The following EDAR variants were observed in gnomAD, a reference collection of about 807,000 sequenced individuals.
EDAR encodes tumor necrosis factor receptor superfamily member EDAR.
EDAR carries 38 observed loss-of-function variants against 51.3 expected under a neutral mutation model. That is an observed-to-expected ratio of 0.74 (90% CI 0.57 to 0.97). The LOEUF is 0.97. Among genes scored for constraint, EDAR ranks in the 50% least tolerant of loss-of-function variants. EDAR has a pLI of 0.00. For synonymous variants in EDAR, 227 were observed against 242.1 expected (o/e 0.94, Z 0.58); for missense variants, 528 against 595.0 (o/e 0.89, Z 1.17).
In EDAR at chr2:108,895,376, T is replaced by G. The variant is rs1038349688; in HGVS notation, c.*1531A>C. 1.3e-5 allele frequency: 2 copies of G among 152,494 alleles called. No homozygotes were observed. Among genetic ancestry groups the G allele is most frequent in the African/African-American group, 4.8e-5 (2 of 41,382 alleles). 9.4% of individuals were successfully genotyped at this position (152,494 alleles called of 1,614,324 possible). A position where few individuals can be genotyped will look rare whatever the true frequency, so the allele number is the denominator to read the frequency against. ...TAAACACAGACCTGCCATCAGGGAG[T>G]TCAGCAGTGAACTCTAACCCCTGGT... On this transcript the variant is annotated 3_prime_UTR_variant, in exon 12 of 12. Transcript: ENST00000258443.
At chr2:108,953,228 T>A (rs1320580672) in intron 1 of EDAR, among the ~76,000 whole-genome samples, 2 of 152,214 alleles carry the variant, frequency 1.3e-5, no homozygotes. Flanking sequence ...CAGAATTGCT[T>A]ATCCCTGTGA....
chr2:108,927,576 G>A (rs1403016592), intron 4 of EDAR, among the ~76,000 whole-genome samples: 1 of 152,188 alleles, frequency 6.6e-6, no homozygotes, highest in African/African-American at 2.4e-5. Context: ...AGAGCCAGCA[G>A]CATAGGTCGG....
At chr2:108,961,097 G>T (rs748040229) in intron 1 of EDAR, among the ~76,000 whole-genome samples, 5 of 152,302 alleles carry the variant, frequency 3.3e-5, no homozygotes, top group South Asian at 2.1e-4. Context: ...AGAAATGCTC[G>T]GCCACCTCCC....
At chr2:108,985,369 G>A (rs888219140) in intron 1 of EDAR, among the ~76,000 whole-genome samples, 1 of 152,236 alleles carries the variant, frequency 6.6e-6, no homozygotes, top group African/African-American at 2.4e-5. Context: ...TGTGTTTGGA[G>A]CAGTAGGTCT....
Position 108,896,923 on chromosome 2 carries a change from G to A in EDAR, c.1331C>T (p.Pro444Leu), listed in dbSNP as rs777844792. Residue 444 changes from proline to leucine, a missense_variant, in exon 12 of 12, where the codon CCA becomes CTA. Pro to Leu is a moderately conservative substitution (Grantham distance 98). Coordinates refer to ENST00000258443, the MANE Select transcript of EDAR (RefSeq NM_022336.4). Reference sequence around the variant, plus strand: ...GCATGCTTTTCAGGATGCAGCATGTGGCTGGGAGGCAGGTGGCACAACCCC... The same window carrying A: ...GCATGCTTTTCAGGATGCAGCATGTAGCTGGGAGGCAGGTGGCACAACCCC... ...WAGVVPPASQ[P>L]HAAS 3.1e-6 allele frequency: 5 copies of A among 1,612,488 alleles called. No homozygotes were observed. The highest frequency in any genetic ancestry group is 3.3e-5 in the Admixed American group (2 of 59,840).
intron 8 of EDAR, 98 bp from the exon 9 acceptor site, chr2:108,910,630 C>A: frequency 7.1e-7 from 1 of 1,405,228 alleles, no homozygotes; most frequent in South Asian, 1.2e-5. Context: ...CAGAGCTGCC[C>A]GGTGTCTGTG....
chr2:108,932,144 C>T (rs533918710), intron 1 of EDAR, among the ~76,000 whole-genome samples: 3 of 152,316 alleles, frequency 2.0e-5, no homozygotes, highest in South Asian at 2.1e-4. Context: ...AACCTTCCCT[C>T]CCTTCCTCCT....
At chr2:108,955,285 G>A (rs1305848954) in intron 1 of EDAR, among the ~76,000 whole-genome samples, 1 of 152,102 alleles carries the variant, frequency 6.6e-6, no homozygotes, top group East Asian at 1.9e-4. Context: ...TGTGTATAAA[G>A]TATTTACAAC....
rs1181971308 is a variant in EDAR, at chr2:108,895,140, C to T, written c.*1767G>A. On this transcript the variant is annotated 3_prime_UTR_variant, in exon 12 of 12. Coordinates refer to ENST00000258443, the MANE Select transcript of EDAR (RefSeq NM_022336.4). ...GGGTAAACCAAATAGGTTCGAAAAA[C>T]AGCAGCAAACAGACACAGTAAATGA... is the stretch of plus-strand genomic sequence containing the variant. 1 of 152,632 alleles carries T rather than the reference C, an allele frequency of 6.6e-6. No individual in the cohort carries two copies. The allele number at this position is 152,632 out of a possible 1,614,324, so 9.5% of individuals were successfully genotyped here. A position where few individuals can be genotyped will look rare whatever the true frequency, so the allele number is the denominator to read the frequency against.
chr2:108,910,177 G>C (rs1328428193), intron 9 of EDAR, among the ~76,000 whole-genome samples: 1 of 152,212 alleles, frequency 6.6e-6, no homozygotes, highest in Non-Finnish European at 1.5e-5. Context: ...GTCTGGAGAA[G>C]GGGCATGAGG....
intron 1 of EDAR, among the ~76,000 whole-genome samples, chr2:108,946,094 G>A (rs1472067541): frequency 6.6e-6 from 1 of 152,178 alleles, no homozygotes; most frequent in Non-Finnish European, 1.5e-5. Context: ...AGTTTCTGGT[G>A]ACTCCAAGGA....
At chr2:108,971,976 G>A (rs1315509303) in intron 1 of EDAR, among the ~76,000 whole-genome samples, 2 of 152,192 alleles carry the variant, frequency 1.3e-5, no homozygotes, top group Non-Finnish European at 2.9e-5. Flanking sequence ...GAGCTCCCGT[G>A]GCCCGGAGCT....
intron 4 of EDAR, among the ~76,000 whole-genome samples, chr2:108,924,799 C>T (rs973734460): frequency 1.1e-4 from 17 of 152,240 alleles, no homozygotes; most frequent in Admixed American, 3.3e-4. Context: ...CTAAGCCTCT[C>T]GCAAATCTAC....
In EDAR at chr2:108,941,147, G is replaced by A. The variant is rs183677466; in HGVS notation, c.-18-10115C>T. On this transcript the variant is annotated intron_variant, in intron 1 of 11. Transcript: ENST00000258443. ...TGAATATAATACCTGTGATGCGTCTGCGTTGTGGGAATTAGGACTTTAGTC... is the reference window on the plus strand; with the variant it reads ...TGAATATAATACCTGTGATGCGTCTACGTTGTGGGAATTAGGACTTTAGTC... Among the ~76,000 whole-genome samples the A allele has an allele frequency of 4.6e-5, 7 of 152,364 alleles. No individual in the cohort carries two copies. The East Asian group carries it at 1.3e-3, about 29-fold the overall frequency.
At chr2:108,950,081 A>G (rs545743022) in intron 1 of EDAR, among the ~76,000 whole-genome samples, 11 of 152,328 alleles carry the variant, frequency 7.2e-5, no homozygotes, top group African/African-American at 2.4e-4. Context: ...TTATGACCCC[A>G]GGAGGGGCCT....
chr2:108,898,144 G>A (rs1009062922), intron 11 of EDAR, among the ~76,000 whole-genome samples: 3 of 152,182 alleles, frequency 2.0e-5, no homozygotes, highest in African/African-American at 7.2e-5. Context: ...AAACATCACA[G>A]AAAAACTGTG....
intron 11 of EDAR, among the ~76,000 whole-genome samples, chr2:108,905,604 C>T (rs1325364077): frequency 4.6e-5 from 7 of 152,072 alleles, no homozygotes; most frequent in Non-Finnish European, 7.4e-5. Context: ...TCCCGCTGCC[C>T]GGCCAGATCA....
intron 1 of EDAR, among the ~76,000 whole-genome samples, chr2:108,967,739 A>T (rs1261921360): frequency 6.6e-6 from 1 of 152,312 alleles, no homozygotes; most frequent in East Asian, 1.9e-4. Context: ...AACACAGTCT[A>T]TTGGGAAAAA....
At chr2:108,973,480 T>C (rs2104448347) in intron 1 of EDAR, among the ~76,000 whole-genome samples, 1 of 152,218 alleles carries the variant, frequency 6.6e-6, no homozygotes, top group East Asian at 1.9e-4. Flanking sequence ...TCCAGTGCTT[T>C]CCAGTACCTG....
Sources: allele counts gnomAD v4.1 joint callset (sites outside exome capture counted in the v4.1 genomes callset), GRCh38; gene constraint gnomAD v4.1.1; transcripts MANE v1.5; gene names NCBI Gene and HGNC (gene_info 2026-07-23, HGNC 2026-07-21).